The following MAGI3 variants were observed in gnomAD, a reference collection of about 807,000 sequenced individuals.
The protein encoded by MAGI3 is membrane associated guanylate kinase, WW and PDZ domain containing 3, also known as membrane-associated guanylate kinase, WW and PDZ domain-containing protein 3.
Under a neutral mutation model 121.8 loss-of-function variants are expected in MAGI3, and 43 were observed. That is an observed-to-expected ratio of 0.35 (90% CI 0.28 to 0.46). MAGI3 has a LOEUF of 0.46. MAGI3 is among the 20% of genes least tolerant of loss of function. The pLI, the probability that MAGI3 is intolerant of heterozygous loss-of-function variation, is 1.00. For missense variants in MAGI3, 1,547 were observed against 1,797.3 expected, an observed-to-expected ratio of 0.86 and a Z score of 2.52; for synonymous variants, 553 against 639.3, an observed-to-expected ratio of 0.86 and a Z score of 2.04.
rs1657037183 is a variant in MAGI3 at position 113,500,459 on chromosome 1, A to G, written c.317-49056A>G. Among the ~76,000 whole-genome samples, 2 of 28,720 alleles carry G rather than the reference A, an allele frequency of 7.0e-5. 1 individual carries two copies. Among genetic ancestry groups the G allele is most frequent in the Non-Finnish European group, 1.1e-4 (2 of 18,296 alleles). The allele number at this position is 28,720 out of a possible 152,430, so 18.8% of individuals were successfully genotyped here. On this transcript the variant is annotated intron_variant, in intron 1 of 20. Coordinates refer to ENST00000307546, the MANE Select transcript of MAGI3 (RefSeq NM_001142782.2). ...CACCTCTACGCAAATAAACTAGAAA[A>G]TCTAGAAGAAATGGATACATTCCTC...
Position 113,390,814 on chromosome 1 carries a change from C to T in MAGI3, c.-220C>T, listed in dbSNP as rs1200720647. 4.1e-6 allele frequency: 1 copy of T among 246,038 alleles called. No individual in the cohort carries two copies. Among genetic ancestry groups the T allele is most frequent in the Non-Finnish European group, 7.8e-6 (1 of 128,624 alleles). 15.2% of individuals were successfully genotyped at this position (246,038 alleles called of 1,614,324 possible). ...CGCGGTGGCCCTCGCGGAGTCCGGT[C>T]AGCCCCGGGGAGCGCAGCCGGGAGG... On this transcript the variant is annotated 5_prime_UTR_variant, in exon 1 of 21. Transcript: ENST00000307546.
In MAGI3 at chr1:113,468,939, A is replaced by T. The variant is rs145229736; in HGVS notation, c.316+77590A>T. Among the ~76,000 whole-genome samples the T allele has an allele frequency of 1.8e-4, 28 of 152,220 alleles. No homozygotes were observed. The East Asian group carries it at 5.2e-3, about 28-fold the overall frequency. On this transcript the variant is annotated intron_variant, in intron 1 of 20. Coordinates refer to ENST00000307546, the MANE Select transcript of MAGI3 (RefSeq NM_001142782.2). ...TATTACTGTGTCTTTAATATAGTAGATACTTAATAGTTGTTGAATGAATAA... is the reference window on the plus strand; with the variant it reads ...TATTACTGTGTCTTTAATATAGTAGTTACTTAATAGTTGTTGAATGAATAA...
chr1:113,482,593 T>G (rs1233145131), intron 1 of MAGI3, among the ~76,000 whole-genome samples: 1 of 150,946 alleles, frequency 6.6e-6, no homozygotes, highest in African/African-American at 2.4e-5. Flanking sequence ...TGCCTCAGCC[T>G]TCCAAAGTGC....
chr1:113,565,229 GA>G (rs1467390088), intron 2 of MAGI3, among the ~76,000 whole-genome samples: 1 of 151,996 alleles, frequency 6.6e-6, no homozygotes, highest in Non-Finnish European at 1.5e-5. Context: ...AAATATGCCA[GA>G]AAAAAATGTA....
At chr1:113,450,194 A>G (rs1557763617) in intron 1 of MAGI3, 18 of 1,562,056 alleles carry the variant, frequency 1.2e-5, no homozygotes, top group Middle Eastern at 1.7e-4. Flanking sequence ...GTTCAGAAAT[A>G]CCACACTATT....
chr1:113,671,873 C>G, intron 17 of MAGI3, 37 bp downstream of exon 17: 1 of 1,562,884 alleles, frequency 6.4e-7, no homozygotes, highest in Non-Finnish European at 8.8e-7. Context: ...TTGTTTTTTT[C>G]TTATTCTCTC....
intron 1 of MAGI3, among the ~76,000 whole-genome samples, chr1:113,424,220 C>G (rs1232630351): frequency 6.8e-6 from 1 of 148,088 alleles, no homozygotes; most frequent in African/African-American, 2.5e-5. Context: ...CCGCCCCCCG[C>G]TGCAGCTGGC....
intron 1 of MAGI3, among the ~76,000 whole-genome samples, chr1:113,549,216 A>G (rs1425595214): frequency 2.0e-5 from 3 of 152,210 alleles, no homozygotes; most frequent in African/African-American, 7.2e-5. Context: ...TATAGATAGT[A>G]TTTAAAGCCA....
chr1:113,508,381 G>T (rs1362433434), intron 1 of MAGI3, among the ~76,000 whole-genome samples: 1 of 152,120 alleles, frequency 6.6e-6, no homozygotes, highest in Non-Finnish European at 1.5e-5. Context: ...TGGTCAAAAG[G>T]CTGCAATTCA....
intron 1 of MAGI3, among the ~76,000 whole-genome samples, chr1:113,466,625 G>A (rs1245755860): frequency 1.3e-5 from 2 of 152,096 alleles, no homozygotes; most frequent in African/African-American, 2.4e-5. Flanking sequence ...TTTGATGGGA[G>A]ACTTTTGATT....
At chr1:113,657,602 T>G (rs1428607987) in intron 15 of MAGI3, among the ~76,000 whole-genome samples, 2 of 152,208 alleles carry the variant, frequency 1.3e-5, no homozygotes, top group African/African-American at 4.8e-5. Context: ...ACACTATGTT[T>G]GAGTAAATCT....
At chr1:113,594,008 G>C (rs1648846044) in intron 5 of MAGI3, among the ~76,000 whole-genome samples, 1 of 152,140 alleles carries the variant, frequency 6.6e-6, no homozygotes, top group South Asian at 2.1e-4. Flanking sequence ...AGCTCTATCT[G>C]ATGTTTATTT....
intron 1 of MAGI3, among the ~76,000 whole-genome samples, chr1:113,496,800 A>G (rs920207492): frequency 6.6e-6 from 1 of 152,222 alleles, no homozygotes; most frequent in Admixed American, 6.5e-5. Context: ...TTAATGAGCA[A>G]GTAAATTTGT....
chr1:113,429,621 C>T (rs142012892), intron 1 of MAGI3, among the ~76,000 whole-genome samples: 4 of 152,080 alleles, frequency 2.6e-5, no homozygotes, highest in African/African-American at 4.8e-5. Flanking sequence ...TGATTGGTTG[C>T]GGAAAGTGAC....
chr1:113,626,815 A>G (rs1176125850), intron 9 of MAGI3, among the ~76,000 whole-genome samples: 1 of 152,000 alleles, frequency 6.6e-6, no homozygotes, highest in African/African-American at 2.4e-5. Flanking sequence ...TTCATCTCTG[A>G]TTTTATTTAC....
At chr1:113,503,089 G>A (rs1657102479) in intron 1 of MAGI3, among the ~76,000 whole-genome samples, 1 of 84,108 alleles carries the variant, frequency 1.2e-5, no homozygotes, top group African/African-American at 5.2e-5. Context: ...GAGGGGGGAG[G>A]GGTAGCATTG....
chr1:113,410,975 C>T (rs777284257), intron 1 of MAGI3, among the ~76,000 whole-genome samples: 3 of 152,070 alleles, frequency 2.0e-5, no homozygotes, highest in Non-Finnish European at 2.9e-5. Flanking sequence ...CTCCTCACTA[C>T]CCTGTTTCTG....
intron 2 of MAGI3, among the ~76,000 whole-genome samples, chr1:113,553,900 T>C (rs947481129): frequency 6.6e-6 from 1 of 152,156 alleles, no homozygotes; most frequent in African/African-American, 2.4e-5. Context: ...TCCCAGCTAC[T>C]TGGGAGGCTG....
chr1:113,664,974 A>G (rs938384726), intron 16 of MAGI3, among the ~76,000 whole-genome samples: 5 of 152,140 alleles, frequency 3.3e-5, no homozygotes, highest in African/African-American at 1.2e-4. Context: ...CCTTTATTAT[A>G]CAGAAATTCT....
Sources: allele counts gnomAD v4.1 joint callset (sites outside exome capture counted in the v4.1 genomes callset), GRCh38; gene constraint gnomAD v4.1.1; transcripts MANE v1.5; gene names NCBI Gene and HGNC (gene_info 2026-07-23, HGNC 2026-07-21).